Variants in SYNPR observed in about 807,000 individuals in gnomAD.
SYNPR encodes synaptoporin.
In SYNPR, 23 loss-of-function variants were observed where a neutral mutation model predicts 32.9. That is an observed-to-expected ratio of 0.70 (90% CI 0.50 to 0.99). The LOEUF (loss-of-function observed/expected upper bound fraction) is 0.99, where lower values mean the gene tolerates loss of function less well. Ranked by LOEUF, SYNPR falls within the 50% of genes least tolerant of loss-of-function variation. The pLI is 0.00. For missense variants in SYNPR, 318 were observed against 349.3 expected (o/e 0.91, Z 0.71); for synonymous variants, 146 against 135.9 (o/e 1.07, Z -0.52).
In SYNPR at chr3:63,451,073, T is replaced by A. The variant is rs556509992; in HGVS notation, c.85-29759T>A. 1.7e-3 allele frequency among the ~76,000 whole-genome samples: 258 copies of A among 152,278 alleles called. 3 individuals are homozygous for A. Among genetic ancestry groups the A allele is most frequent in the African/African-American group, 5.5e-3 (229 of 41,578 alleles). ...ACAATTCATCTGCCATCTTGGGGCC[T>A]TCGTATCTTCATCTGCAAAATGGAA... On this transcript the variant is annotated intron_variant, in intron 2 of 5. Coordinates refer to ENST00000478300, the MANE Select transcript of SYNPR (RefSeq NM_001130003.2).
chr3:63,514,299 T>C (rs1575685787), intron 3 of SYNPR, among the ~76,000 whole-genome samples: 1 of 152,304 alleles, frequency 6.6e-6, no homozygotes, highest in South Asian at 2.1e-4. Flanking sequence ...AAAAAGCAGG[T>C]GTTGAGATGC....
At chr3:63,610,922 T>C (rs1216714614) in intron 5 of SYNPR, among the ~76,000 whole-genome samples, 2 of 152,148 alleles carry the variant, frequency 1.3e-5, no homozygotes, top group Non-Finnish European at 2.9e-5. Context: ...AAAGAATGAA[T>C]TGAAACCAAA....
At chr3:63,614,809 C>T (rs1277111391) in intron 5 of SYNPR, among the ~76,000 whole-genome samples, 1 of 152,178 alleles carries the variant, frequency 6.6e-6, no homozygotes, top group Non-Finnish European at 1.5e-5. Flanking sequence ...AATAATCTTA[C>T]ACACCATGAA....
At chr3:63,395,174 G>C (rs1213529567) in intron 2 of SYNPR, among the ~76,000 whole-genome samples, 1 of 152,030 alleles carries the variant, frequency 6.6e-6, no homozygotes, top group Non-Finnish European at 1.5e-5. Flanking sequence ...ATGTTTTTCA[G>C]GGAGAAAGCT....
At chr3:63,601,383 T>C (rs1028440530) in intron 4 of SYNPR, among the ~76,000 whole-genome samples, 1 of 152,208 alleles carries the variant, frequency 6.6e-6, no homozygotes. Context: ...CAGAGGTACA[T>C]GTGCAGATTC....
chr3:63,512,979 A>C (rs1475947832), intron 3 of SYNPR, among the ~76,000 whole-genome samples: 1 of 152,116 alleles, frequency 6.6e-6, no homozygotes, highest in African/African-American at 2.4e-5. Flanking sequence ...TATGGTTAGC[A>C]CAATAGGATA....
intron 3 of SYNPR, among the ~76,000 whole-genome samples, chr3:63,500,985 T>C (rs564702805): frequency 7.2e-5 from 11 of 152,168 alleles, no homozygotes; most frequent in Non-Finnish European, 1.5e-4. Flanking sequence ...ATAATCCCTA[T>C]TTTGCAAGTT....
chr3:63,567,233 G>A (rs949667950), intron 4 of SYNPR, among the ~76,000 whole-genome samples: 2 of 151,770 alleles, frequency 1.3e-5, no homozygotes, highest in Non-Finnish European at 2.9e-5. Flanking sequence ...AGAGGGGAGA[G>A]AGCACTACCC....
chr3:63,234,394 C>A (rs17067910), intron 1 of SYNPR, among the ~76,000 whole-genome samples: 3,239 of 152,274 alleles, frequency 0.021, 104 homozygotes, highest in African/African-American at 0.073. Flanking sequence ...GGATTGCATT[C>A]TTCCACAACC....
intron 2 of SYNPR, among the ~76,000 whole-genome samples, chr3:63,358,871 G>A (rs1575609461): frequency 6.6e-6 from 1 of 152,250 alleles, no homozygotes; most frequent in Admixed American, 6.5e-5. Context: ...TTGTGGCTGA[G>A]CTAGGATAGT....
At chr3:63,285,079 T>C (rs1258832068) in intron 2 of SYNPR, among the ~76,000 whole-genome samples, 2 of 152,200 alleles carry the variant, frequency 1.3e-5, no homozygotes, top group Non-Finnish European at 1.5e-5. Context: ...TTATCCCTGA[T>C]CCTCAAAGAA....
At chr3:63,413,161 A>C (rs2088491551) in intron 2 of SYNPR, among the ~76,000 whole-genome samples, 1 of 152,220 alleles carries the variant, frequency 6.6e-6, no homozygotes, top group South Asian at 2.1e-4. Flanking sequence ...AGAAACCATA[A>C]AATAACCTTC....
intron 2 of SYNPR, among the ~76,000 whole-genome samples, chr3:63,461,595 A>G (rs886665517): frequency 3.9e-5 from 6 of 152,050 alleles, no homozygotes; most frequent in Admixed American, 6.6e-5. Flanking sequence ...GTGGCATCCA[A>G]AGAAATCTAG....
chr3:63,335,352 CAA>C (rs35394118), intron 2 of SYNPR, among the ~76,000 whole-genome samples: 2,136 of 84,832 alleles, frequency 0.025, 28 homozygotes, highest in African/African-American at 0.097. Context: ...GACTCCGTCT[CAA>C]AAAAAAAAAA....
In SYNPR at chr3:63,255,518, T is replaced by C. The variant is rs75204855; in HGVS notation, n.154+2932T>C. 5.9e-3 allele frequency among the ~76,000 whole-genome samples: 893 copies of C among 152,334 alleles called. 9 individuals are homozygous for C. Among genetic ancestry groups the C allele is most frequent in the East Asian group, 0.052 (268 of 5,178 alleles). On this transcript the variant is annotated intron_variant and non_coding_transcript_variant, in intron 2 of 4. Transcript: ENST00000478456. ...TGATTTATGATACTCCCTTTCACTT[T>C]TTAGATGGGCAAAATGTGAAGTAAC... is the stretch of plus-strand genomic sequence containing the variant.
intron 4 of SYNPR, among the ~76,000 whole-genome samples, chr3:63,606,862 C>A (rs952414186): frequency 6.6e-6 from 1 of 152,152 alleles, no homozygotes; most frequent in African/African-American, 2.4e-5. Context: ...TCTCCATTTC[C>A]TCAACTGTAA....
chr3:63,395,098 A>G (rs2088194620), intron 2 of SYNPR, among the ~76,000 whole-genome samples: 1 of 148,356 alleles, frequency 6.7e-6, no homozygotes, highest in Non-Finnish European at 1.5e-5. Flanking sequence ...ACTACTGATC[A>G]TTAAACAATT....
chr3:63,351,264 C>T (rs1409118708), intron 2 of SYNPR, among the ~76,000 whole-genome samples: 3 of 152,164 alleles, frequency 2.0e-5, no homozygotes, highest in African/African-American at 7.2e-5. Context: ...CCTCTGCTTA[C>T]TTCATCCAGT....
At chr3:63,326,874 AT>A (rs1349081499) in intron 2 of SYNPR, among the ~76,000 whole-genome samples, 2 of 152,056 alleles carry the variant, frequency 1.3e-5, no homozygotes, top group African/African-American at 4.8e-5. Context: ...CATTGGGCAA[AT>A]TTTAAGAAGT....
Sources: gnomAD v4.1 joint callset for allele counts (sites outside exome capture counted in the v4.1 genomes callset) on GRCh38, gnomAD v4.1.1 for gene constraint, MANE v1.5 for transcripts, NCBI Gene and HGNC (gene_info 2026-07-23, HGNC 2026-07-21) for gene names.